Variants in SAMD12 observed in about 807,000 individuals in gnomAD.
SAMD12 encodes the protein sterile alpha motif domain-containing protein 12.
Under a neutral mutation model 15.0 loss-of-function variants are expected in SAMD12, and 9 were observed. The observed-to-expected ratio is 0.60, with a 90% confidence interval of 0.36 to 1.05. SAMD12 has a LOEUF of 1.05. SAMD12 is among the 50% of genes least tolerant of loss of function. The pLI is 0.01. For missense variants in SAMD12, 230 were observed against 234.2 expected (o/e 0.98, Z 0.12); for synonymous variants, 86 against 90.1 (o/e 0.96, Z 0.25).
chr8:118,544,103 G>A (rs1012500545), intron 2 of SAMD12, among the ~76,000 whole-genome samples: 83 of 152,100 alleles, frequency 5.5e-4, no homozygotes, highest in Non-Finnish European at 7.8e-4. Flanking sequence ...TGGTTTAGGC[G>A]AGTCCGTCGG....
intron 3 of SAMD12, among the ~76,000 whole-genome samples, chr8:118,427,240 C>T (rs1464850812): frequency 6.6e-6 from 1 of 151,978 alleles, no homozygotes; most frequent in Non-Finnish European, 1.5e-5. Flanking sequence ...ATCCTATGGC[C>T]AGAATGGAAA....
chr8:118,166,777 A>G, the SAMD12 span, among the ~76,000 whole-genome samples: 2 of 152,224 alleles, frequency 1.3e-5, 1 homozygote, highest in Admixed American at 1.3e-4. Flanking sequence ...ACAAAGGTAC[A>G]ACAATGGTAA....
chr8:118,362,120 CA>C (rs1205969086), intron 4 of SAMD12, among the ~76,000 whole-genome samples: 1 of 151,506 alleles, frequency 6.6e-6, no homozygotes, highest in African/African-American at 2.4e-5. Context: ...AAGGGAGGGA[CA>C]GTGAAGAGAA....
intron 4 of SAMD12, among the ~76,000 whole-genome samples, chr8:118,249,625 T>C (rs929787370): frequency 6.6e-6 from 1 of 152,144 alleles, no homozygotes; most frequent in Non-Finnish European, 1.5e-5. Context: ...AATAGTATCT[T>C]CTAAAAGATT....
chr8:118,463,806 C>T (rs183617825), intron 2 of SAMD12, among the ~76,000 whole-genome samples: 5 of 151,936 alleles, frequency 3.3e-5, no homozygotes, highest in South Asian at 2.1e-4. Context: ...GGGGATCAGA[C>T]GGCCTTCAGC....
intron 2 of SAMD12, among the ~76,000 whole-genome samples, chr8:118,510,516 CTTGAACTTTGAGAA>C (rs1296276149): frequency 6.6e-6 from 1 of 152,208 alleles, no homozygotes; most frequent in Admixed American, 6.5e-5. Flanking sequence ...ATAACTCAAT[CTTGAACTTTGAGAA>C]AAGGGTTTGG....
intron 1 of SAMD12, among the ~76,000 whole-genome samples, chr8:118,598,642 A>C (rs1017774069): frequency 2.0e-5 from 3 of 152,198 alleles, no homozygotes; most frequent in African/African-American, 7.2e-5. Context: ...CCTTACATAA[A>C]TCACTTCATT....
intron 4 of SAMD12, among the ~76,000 whole-genome samples, chr8:118,287,122 A>ATTTTT (rs202200197): frequency 1.5e-5 from 2 of 132,810 alleles, no homozygotes; most frequent in African/African-American, 3.1e-5. Flanking sequence ...AAGGAAGAAT[A>ATTTTT]TTTTTTTTTT....
chr8:118,349,101 C>T (rs2130586759), intron 4 of SAMD12, among the ~76,000 whole-genome samples: 1 of 152,324 alleles, frequency 6.6e-6, no homozygotes, highest in East Asian at 1.9e-4. Context: ...AAAATCCCCT[C>T]TGAATCAAGA....
chr8:118,240,403 C>T (rs976351191), intron 4 of SAMD12, among the ~76,000 whole-genome samples: 5 of 152,230 alleles, frequency 3.3e-5, no homozygotes, highest in Non-Finnish European at 4.4e-5. Flanking sequence ...ATAACTCATA[C>T]GAAATTTAAG....
At position 118,361,890 on chromosome 8, in the gene SAMD12, A is replaced by G. The variant is rs548824718; in HGVS notation, c.433+17670T>C. Among the ~76,000 whole-genome samples, 27 of 152,344 alleles carry G rather than the reference A, an allele frequency of 1.8e-4. 1 individual carries two copies. Among genetic ancestry groups the G allele is most frequent in the Admixed American group, 1.4e-3 (21 of 15,290 alleles). ...AATATGATGAGCCCAAGTCCCTACT[A>G]GAAAATTCAAGCCTGGAGAACTGGA... is the stretch of plus-strand genomic sequence containing the variant. On this transcript the variant is annotated intron_variant, in intron 4 of 4. Coordinates refer to the SAMD12 transcript ENST00000409003.
chr8:118,602,762 TAG>T (rs1188306752), intron 1 of SAMD12, among the ~76,000 whole-genome samples: 3 of 152,158 alleles, frequency 2.0e-5, no homozygotes, highest in Non-Finnish European at 4.4e-5. Context: ...CATTCATACC[TAG>T]AGAGCTTTCA....
chr8:118,307,780 C>G (rs1030091373), intron 4 of SAMD12, among the ~76,000 whole-genome samples: 1 of 146,736 alleles, frequency 6.8e-6, no homozygotes, highest in Non-Finnish European at 1.5e-5. Flanking sequence ...TCGTGCTTTG[C>G]GCTCCTAGAT....
At chr8:118,614,522 C>T (rs1327771119) in intron 1 of SAMD12, among the ~76,000 whole-genome samples, 1 of 152,150 alleles carries the variant, frequency 6.6e-6, no homozygotes, top group African/African-American at 2.4e-5. Flanking sequence ...CAGGCCTGAG[C>T]CCATTCTGTA....
At chr8:118,545,751 C>T (rs561328743) in intron 2 of SAMD12, among the ~76,000 whole-genome samples, 30 of 152,272 alleles carry the variant, frequency 2.0e-4, no homozygotes, top group African/African-American at 6.7e-4. Flanking sequence ...CTCCCAATTT[C>T]GGAAATGTTA....
chr8:118,274,087 T>A (rs563053459), intron 4 of SAMD12, among the ~76,000 whole-genome samples: 1 of 152,338 alleles, frequency 6.6e-6, no homozygotes, highest in South Asian at 2.1e-4. Flanking sequence ...ATGAGGCAGG[T>A]ATTACATTTT....
At chr8:118,449,856 A>G (rs12679343) in intron 2 of SAMD12, among the ~76,000 whole-genome samples, 65,618 of 149,116 alleles carry the variant, frequency 0.44, 16,851 homozygotes, top group South Asian at 0.58. Context: ...AAAAAGGGGG[A>G]AAATGGAAAA....
At chr8:118,254,164 G>A (rs1292740888) in intron 4 of SAMD12, among the ~76,000 whole-genome samples, 2 of 152,086 alleles carry the variant, frequency 1.3e-5, no homozygotes, top group African/African-American at 4.8e-5. Context: ...GGAGGGTGAT[G>A]GGAATAGGTC....
intron 3 of SAMD12, among the ~76,000 whole-genome samples, chr8:118,434,093 C>A (rs548970629): frequency 1.3e-4 from 20 of 152,120 alleles, no homozygotes; most frequent in Non-Finnish European, 2.6e-4. Context: ...ATGCATGGAG[C>A]CACATTCCAA....
Sources: allele counts gnomAD v4.1 joint callset (sites outside exome capture counted in the v4.1 genomes callset), GRCh38; gene constraint gnomAD v4.1.1; transcripts MANE v1.5; gene names NCBI Gene and HGNC (gene_info 2026-07-23, HGNC 2026-07-21).